C1QTNF7: variants seen among roughly 807,000 people sequenced by gnomAD.
C1QTNF7 encodes the protein C1q and TNF related 7, also known as complement C1q tumor necrosis factor-related protein 7.
In C1QTNF7, 15 loss-of-function variants were observed where a neutral mutation model predicts 19.6. That is an observed-to-expected ratio of 0.76 (90% CI 0.51 to 1.18). C1QTNF7 has a LOEUF of 1.18. Among genes scored for constraint, C1QTNF7 ranks in the 50% most tolerant of loss-of-function variants. The probability of loss-of-function intolerance (pLI) is 0.00; values close to 1 mark genes in which losing one functional copy is unlikely to be tolerated. For missense variants in C1QTNF7, 324 were observed against 359.7 expected, an observed-to-expected ratio of 0.90 and a Z score of 0.80; for synonymous variants, 142 against 137.5, an observed-to-expected ratio of 1.03 and a Z score of -0.23.
Position 15,411,040 on chromosome 4 carries a change from C to T in C1QTNF7, c.14-24696C>T, listed in dbSNP as rs181535190. On this transcript the variant is annotated intron_variant, in intron 1 of 2. Coordinates refer to the C1QTNF7 transcript ENST00000295297. ...AAAAGAAACTGCCACTGGCCCCCTA[C>T]TGAAAGAGACTCTCACTGTGGAAAT... Among the ~76,000 whole-genome samples, 184 of 152,308 alleles carry T rather than the reference C, an allele frequency of 1.2e-3. 2 individuals are homozygous for T. Among genetic ancestry groups the T allele is most frequent in the Middle Eastern group, 3.4e-3 (1 of 294 alleles).
At chr4:15,398,129 G>A (rs912965737) in intron 1 of C1QTNF7, among the ~76,000 whole-genome samples, 1 of 152,104 alleles carries the variant, frequency 6.6e-6, no homozygotes, top group Non-Finnish European at 1.5e-5. Context: ...TGCCAGTCAT[G>A]CGTCAGTTGC....
chr4:15,342,451 C>T (rs1195367317), intron 1 of C1QTNF7, among the ~76,000 whole-genome samples: 4 of 152,216 alleles, frequency 2.6e-5, no homozygotes, highest in African/African-American at 9.6e-5. Flanking sequence ...TTTATCAACG[C>T]TCTTTGAACG....
chr4:15,412,736 A>C (rs999177640), intron 1 of C1QTNF7, among the ~76,000 whole-genome samples: 1 of 152,184 alleles, frequency 6.6e-6, no homozygotes, highest in Non-Finnish European at 1.5e-5. Context: ...TGGAAAGTAA[A>C]TTACACTAAA....
chr4:15,431,306 A>C (rs1712296655), intron 1 of C1QTNF7, among the ~76,000 whole-genome samples: 1 of 152,184 alleles, frequency 6.6e-6, no homozygotes, highest in Non-Finnish European at 1.5e-5. Context: ...TGAAAAGGCA[A>C]CGTACAGAAC....
chr4:15,428,765 C>T (rs1487887584), intron 1 of C1QTNF7, among the ~76,000 whole-genome samples: 1 of 152,128 alleles, frequency 6.6e-6, no homozygotes, highest in Non-Finnish European at 1.5e-5. Flanking sequence ...ATCACAGTGC[C>T]ACTCCCAGTG....
chr4:15,422,229 A>G (rs1396204435), intron 1 of C1QTNF7, among the ~76,000 whole-genome samples: 3 of 139,144 alleles, frequency 2.2e-5, no homozygotes, highest in Non-Finnish European at 4.8e-5. Context: ...AAAAAAGGAT[A>G]TTGCACAGAT....
intron 1 of C1QTNF7, among the ~76,000 whole-genome samples, chr4:15,428,840 C>T (rs996663911): frequency 6.6e-6 from 1 of 152,158 alleles, no homozygotes; most frequent in South Asian, 2.1e-4. Context: ...GAAAATGTCC[C>T]GTTTTGGCTT....
chr4:15,363,186 G>T (rs1717401526), intron 1 of C1QTNF7, among the ~76,000 whole-genome samples: 2 of 151,702 alleles, frequency 1.3e-5, no homozygotes, highest in African/African-American at 4.8e-5. Flanking sequence ...TTTCTGCTTT[G>T]TCTGGTGTTA....
intron 1 of C1QTNF7, among the ~76,000 whole-genome samples, chr4:15,396,039 G>A (rs1239478742): frequency 2.6e-5 from 4 of 152,186 alleles, no homozygotes; most frequent in Non-Finnish European, 5.9e-5. Flanking sequence ...TAAGCAGTGG[G>A]AGTTTCAGGT....
At chr4:15,397,053 G>A (rs1718810273) in intron 1 of C1QTNF7, among the ~76,000 whole-genome samples, 1 of 13,634 alleles carries the variant, frequency 7.3e-5, no homozygotes, top group South Asian at 2.6e-3. Flanking sequence ...GCAGGCAAAG[G>A]AGAATGAGGA....
chr4:15,434,957 G>C (rs926117218), intron 1 of C1QTNF7, among the ~76,000 whole-genome samples: 1 of 152,118 alleles, frequency 6.6e-6, no homozygotes, highest in Non-Finnish European at 1.5e-5. Flanking sequence ...ACACTAATTG[G>C]CATTATACAT....
intron 1 of C1QTNF7, among the ~76,000 whole-genome samples, chr4:15,371,089 G>A (rs181486434): frequency 7.0e-4 from 106 of 152,336 alleles, no homozygotes; most frequent in African/African-American, 2.4e-3. Flanking sequence ...TCTAGGAAGA[G>A]ACTGAGGCTG....
At chr4:15,397,608 A>T (rs2108904788) in intron 1 of C1QTNF7, among the ~76,000 whole-genome samples, 1 of 152,332 alleles carries the variant, frequency 6.6e-6, no homozygotes, top group South Asian at 2.1e-4. Flanking sequence ...TGAAGATAGT[A>T]AGTCATGGCC....
At chr4:15,361,514 T>C (rs1258949113) in intron 1 of C1QTNF7, among the ~76,000 whole-genome samples, 4 of 152,110 alleles carry the variant, frequency 2.6e-5, no homozygotes, top group Non-Finnish European at 5.9e-5. Flanking sequence ...CCCTGAAATA[T>C]ACTCTCTGCC....
chr4:15,364,634 C>T (rs1352664204), intron 1 of C1QTNF7, among the ~76,000 whole-genome samples: 1 of 152,182 alleles, frequency 6.6e-6, no homozygotes. Flanking sequence ...ATTGTAATAA[C>T]TTCACATATA....
At chr4:15,423,773 C>A (rs1711902412), upstream of C1QTNF7, among the ~76,000 whole-genome samples, 1 of 152,230 alleles carries the variant, frequency 6.6e-6, no homozygotes, top group African/African-American at 2.4e-5. Flanking sequence ...GACATTCTCT[C>A]AGCCTGGATG....
intron 1 of C1QTNF7, among the ~76,000 whole-genome samples, chr4:15,355,814 C>T (rs1247034222): frequency 6.6e-6 from 1 of 152,068 alleles, no homozygotes. Context: ...ACCCTTTGCC[C>T]AGTTCCAAGC....
At chr4:15,399,205 G>C (rs565369888) in intron 1 of C1QTNF7, among the ~76,000 whole-genome samples, 1 of 152,264 alleles carries the variant, frequency 6.6e-6, no homozygotes, top group East Asian at 1.9e-4. Context: ...TATCTATTGG[G>C]AAACTGCCCT....
intron 1 of C1QTNF7, among the ~76,000 whole-genome samples, chr4:15,406,996 T>C (rs1365150731): frequency 1.3e-5 from 2 of 152,216 alleles, no homozygotes; most frequent in African/African-American, 2.4e-5. Context: ...TATTTTCCCA[T>C]TTTGGAACAA....
Sources: allele counts gnomAD v4.1 joint callset (sites outside exome capture counted in the v4.1 genomes callset), GRCh38; gene constraint gnomAD v4.1.1; transcripts MANE v1.5; gene names NCBI Gene and HGNC (gene_info 2026-07-23, HGNC 2026-07-21).